TULP1: variants seen among roughly 807,000 people sequenced by gnomAD.
TULP1 encodes the protein tubby-related protein 1.
In TULP1, 50 loss-of-function variants were observed where a neutral mutation model predicts 67.1. That is an observed-to-expected ratio of 0.75 (90% CI 0.59 to 0.94). TULP1 has a LOEUF of 0.94. TULP1 is among the 40% of genes least tolerant of loss of function. TULP1 has a pLI of 0.00. For synonymous variants in TULP1, 297 were observed against 294.0 expected, an observed-to-expected ratio of 1.01 and a Z score of -0.11; for missense variants, 746 against 734.1, an observed-to-expected ratio of 1.02 and a Z score of -0.19.
rs1238833395 is a variant in TULP1 at position 35,498,347 on chromosome 6, C to T, written c.1609G>A (p.Gly537Arg). 17 of 1,612,794 alleles carry T rather than the reference C, an allele frequency of 1.1e-5. No homozygotes were observed. Among genetic ancestry groups the T allele is most frequent in the Non-Finnish European group, 8.5e-6 (10 of 1,179,628 alleles). Reference sequence around the variant, plus strand: ...TGGGGTCACTCGCAGGCCAGCTTCCCGTCGAAACTGGAGAGGGCGATGGCG... The same window carrying T: ...TGGGGTCACTCGCAGGCCAGCTTCCTGTCGAAACTGGAGAGGGCGATGGCG... ...AFAIALSSFD[G>R]KLACE Residue 537 changes from glycine (G) to arginine (R), a missense_variant, in exon 15 of 15, where the codon GGG becomes AGG. Physicochemically the swap from Gly to Arg is moderately radical, Grantham distance 125. Coordinates refer to ENST00000229771, the MANE Select transcript of TULP1 (RefSeq NM_003322.6). This position sits in a 1 kb window ranked among gnomAD's most constrained non-coding sequence, Gnocchi z 6.7.
intron 13 of TULP1, 57 bp from the exon 14 acceptor site, chr6:35,500,209 C>T: frequency 1.3e-6 from 2 of 1,595,190 alleles, no homozygotes; most frequent in South Asian, 2.2e-5. Context: ...GCTGAGATGG[C>T]TCAGGACTGA....
In TULP1 at chr6:35,510,928, C is replaced by T; in HGVS notation, c.432G>A (p.Lys144=). 1 of 1,613,868 alleles carries T rather than the reference C, an allele frequency of 6.2e-7. No individual in the cohort carries two copies. The highest frequency in any genetic ancestry group is 8.5e-7 in the Non-Finnish European group (1 of 1,180,030). ...EKKEKILLPP[K]KPLREKSSAD... ...CGGAGCTCTTCTCTCTCAGGGGCTT[C>T]TTGGGAGGCAGAAGGATTTTCTCTT... Residue 144 remains lysine (K), a synonymous_variant, in exon 5 of 15, where the codon AAG becomes AAA. Coordinates refer to ENST00000229771, the MANE Select transcript of TULP1 (RefSeq NM_003322.6).
rs1423449256 is a variant in TULP1 at position 35,500,148 on chromosome 6, C to A, written c.1328G>T (p.Ser443Ile). The A allele has an allele frequency of 6.2e-7, 1 of 1,614,008 alleles. No individual in the cohort carries two copies. Among genetic ancestry groups the A allele is most frequent in the Admixed American group, 1.7e-5 (1 of 60,024 alleles). ...CTGCCAGCGCACCAGCAGGCCGTCA[C>A]TAGCCTGGGGTGCCCCAGGGGAGTA... ...ERVPIRPRNA[S>I]DGLLVRWQNK... Residue 443 changes from serine to isoleucine, a missense_variant, in exon 14 of 15, where the codon AGT becomes ATT. Physicochemically the swap from Ser to Ile is moderately radical, Grantham distance 142. This residue lies in a region of TULP1 where 383 missense variants were observed against 374.1 expected (regional missense o/e 1.02). Coordinates refer to ENST00000229771, the MANE Select transcript of TULP1 (RefSeq NM_003322.6).
rs755646983 is a variant in TULP1 at position 35,505,841 on chromosome 6, C to G, written c.1012G>C (p.Ala338Pro). Residue 338 changes from alanine to proline, a missense_variant, in exon 11 of 15, where the codon GCT becomes CCT. Physicochemically the swap from Ala to Pro is conservative, Grantham distance 27 (BLOSUM62 -1). This residue lies in a region of TULP1 where 383 missense variants were observed against 374.1 expected (regional missense o/e 1.02). Coordinates refer to ENST00000229771, the MANE Select transcript of TULP1 (RefSeq NM_003322.6). ...TTGCTCCGTTTTCGTTTCCTGCCAGCCAAGAGGAACACCTGGGGAAAAGGG... is the reference window on the plus strand; with the variant it reads ...TTGCTCCGTTTTCGTTTCCTGCCAGGCAAGAGGAACACCTGGGGAAAAGGG... Reference protein sequence around the residue: ...LDTEKKVFLLAGRKRKRSKTA... With the variant: ...LDTEKKVFLLPGRKRKRSKTA... 1 of 1,614,134 alleles carries G rather than the reference C, an allele frequency of 6.2e-7. No homozygotes were observed. The highest frequency in any genetic ancestry group is 8.5e-7 in the Non-Finnish European group (1 of 1,180,028).
Position 35,498,128 on chromosome 6 carries a change from C to G in TULP1, c.*199G>C, listed in dbSNP as rs1768740786. 3 of 845,560 alleles carry G rather than the reference C, an allele frequency of 3.5e-6. No individual in the cohort carries two copies. The highest frequency in any genetic ancestry group is 5.4e-6 in the Non-Finnish European group (3 of 558,790). The allele number at this position is 845,560 out of a possible 1,614,324, so 52.4% of individuals were successfully genotyped here. Reference sequence around the variant, plus strand: ...ACTCCAGATGTTCTTCATCTCCGTCCTACCCGCCGTCCGGGCTCCTCCTGC... The same window carrying G: ...ACTCCAGATGTTCTTCATCTCCGTCGTACCCGCCGTCCGGGCTCCTCCTGC... On this transcript the variant is annotated 3_prime_UTR_variant, in exon 15 of 15. Coordinates refer to ENST00000229771, the MANE Select transcript of TULP1 (RefSeq NM_003322.6). The surrounding 1 kb of genome is among the most constrained non-coding windows in gnomAD (Gnocchi z 6.7).
intron 5 of TULP1, 55 bp downstream of exon 5, chr6:35,510,806 A>C: frequency 1.2e-6 from 2 of 1,610,724 alleles, no homozygotes; most frequent in Non-Finnish European, 8.5e-7. Flanking sequence ...CAAGCCCTCC[A>C]AGGACAGGGC....
chr6:35,510,719 A>C, intron 5 of TULP1, 142 bp downstream of exon 5: 4 of 1,580,094 alleles, frequency 2.5e-6, no homozygotes, highest in Non-Finnish European at 3.4e-6. Context: ...GTGGGGAGAA[A>C]TTATCAGAGG....
intron 13 of TULP1, among the ~76,000 whole-genome samples, chr6:35,502,063 T>G (rs1454896746): frequency 1.3e-5 from 2 of 152,208 alleles, no homozygotes; most frequent in Non-Finnish European, 2.9e-5. Flanking sequence ...ATCTGTAGGC[T>G]CACTCCCTCA....
chr6:35,502,177 TTTTA>T (rs1451262330), intron 13 of TULP1, among the ~76,000 whole-genome samples: 1 of 150,022 alleles, frequency 6.7e-6, no homozygotes, highest in Admixed American at 6.6e-5. Flanking sequence ...AATTTTTTCT[TTTTA>T]TTTTTTATTA....
At chr6:35,510,648 G>C in intron 5 of TULP1, 1 of 973,948 alleles carries the variant, frequency 1.0e-6, no homozygotes, top group Non-Finnish European at 1.5e-6. Context: ...AGAGCTCAAG[G>C]GGCAGGGGCA....
At chr6:35,507,835 A>T (rs1581741752) in intron 8 of TULP1, among the ~76,000 whole-genome samples, 1 of 152,152 alleles carries the variant, frequency 6.6e-6, no homozygotes, top group East Asian at 1.9e-4. Flanking sequence ...TTTTTTTGAG[A>T]TGGAGCCTCG....
In TULP1 at chr6:35,500,010, T is replaced by C. The variant is rs62636511; in HGVS notation, c.1466A>G (p.Lys489Arg). The C allele has an allele frequency of 1.5e-5, 25 of 1,614,116 alleles. No individual in the cohort carries two copies. In the South Asian group the frequency reaches 2.6e-4, roughly 17 times the overall value. The change falls in exon 14 of 15, where the codon AAG (lysine) becomes AGG (arginine). Residue 489 changes from lysine (K) to arginine (R), a missense_variant. By Grantham distance (26) the Lys-to-Arg change is conservative (BLOSUM62 2). Around this residue, in one of 3 missense-constraint regions of TULP1, gnomAD observed 383 missense variants for 374.1 expected, o/e 1.02. Coordinates refer to ENST00000229771, the MANE Select transcript of TULP1 (RefSeq NM_003322.6). ...ATCAGCGTGGACAATCTGGAAGTTCTTGACTGAGGCCTGGGTGACCCGGCC... is the reference window on the plus strand; with the variant it reads ...ATCAGCGTGGACAATCTGGAAGTTCCTGACTGAGGCCTGGGTGACCCGGCC... ...FQGRVTQASV[K>R]NFQIVHADDP...
intron 11 of TULP1, chr6:35,504,065 C>T: frequency 1.9e-6 from 1 of 529,342 alleles, no homozygotes; most frequent in East Asian, 3.3e-5. Flanking sequence ...CTTGTAATCC[C>T]AGCACTTTGG....
At chr6:35,507,958 G>A (rs1761117760) in intron 8 of TULP1, among the ~76,000 whole-genome samples, 1 of 152,168 alleles carries the variant, frequency 6.6e-6, no homozygotes, top group Non-Finnish European at 1.5e-5. Flanking sequence ...GGGACTACAG[G>A]TGCGCATCAC....
At chr6:35,504,176 C>T (rs1761032804) in intron 11 of TULP1, 2 of 303,544 alleles carry the variant, frequency 6.6e-6, no homozygotes, top group African/African-American at 4.3e-5. Context: ...GCCCTCTGCC[C>T]CCCACCTGCC....
intron 2 of TULP1, among the ~76,000 whole-genome samples, 178 bp from the exon 3 acceptor site, chr6:35,512,448 G>A (rs1277955712): frequency 6.6e-6 from 1 of 152,014 alleles, no homozygotes; most frequent in Non-Finnish European, 1.5e-5. Flanking sequence ...CATATCCAAT[G>A]CTCCAAAGTC....
chr6:35,500,095 G>C lies in TULP1; in HGVS notation c.1381C>G (p.Leu461Val), dbSNP rs766088997. 1.2e-6 allele frequency: 2 copies of C among 1,614,236 alleles called. No homozygotes were observed. The highest frequency in any genetic ancestry group is 3.3e-5 in the Admixed American group (2 of 60,030). The change falls in exon 14 of 15, where the codon CTG becomes GTG. Residue 461 changes from leucine to valine, a missense_variant. Transcript: ENST00000229771. The part of the protein sequence containing the change: ...QNKTLESLIE[L>V]HNKPPVWNDD... ...TTCCAGACAGGTGGCTTGTTGTGCA[G>C]TTCTATGAGGCTCTCCAGCGTCTTG...
rs1366347954 is a variant in TULP1 at position 35,511,668 on chromosome 6, C to T, written c.329G>A (p.Arg110His). 6.3e-7 allele frequency: 1 copy of T among 1,595,640 alleles called. No individual in the cohort carries two copies. The highest frequency in any genetic ancestry group is 8.5e-7 in the Non-Finnish European group (1 of 1,170,860). The change falls in exon 4 of 15, where the codon CGT becomes CAT. Residue 110 changes from arginine to histidine, a missense_variant. Arg to His is a conservative substitution (Grantham distance 29). Transcript: ENST00000229771. ...CTCACCGTCCTCCGCGTCTGGGGCACGGGCTACCAGAAAGGTTTCCCGGGG... is the reference window on the plus strand; with the variant it reads ...CTCACCGTCCTCCGCGTCTGGGGCATGGGCTACCAGAAAGGTTTCCCGGGG... ...RDPRETFLVA[R>H]APDAEDEEEE...
At chr6:35,505,977 C>G (rs770002371) in intron 10 of TULP1, 26 bp downstream of exon 10, 27 of 1,614,164 alleles carry the variant, frequency 1.7e-5, no homozygotes, top group Non-Finnish European at 2.3e-5. Flanking sequence ...TCCACACTCC[C>G]TCCTCTGCTG....
Sources: gnomAD v4.1 joint callset for allele counts (sites outside exome capture counted in the v4.1 genomes callset) on GRCh38, gnomAD v4.1.1 for gene constraint, gnomAD v4.1.1 regional missense constraint, Gnocchi (gnomAD v3.1) non-coding constraint, MANE v1.5 for transcripts, NCBI Gene and HGNC (gene_info 2026-07-23, HGNC 2026-07-21) for gene names.